Variants in GABRA2 observed in about 807,000 individuals in gnomAD.
GABRA2 encodes the protein gamma-aminobutyric acid type A receptor subunit alpha2.
Under a neutral mutation model 48.7 loss-of-function variants are expected in GABRA2, and 16 were observed. The observed-to-expected ratio is 0.33, with a 90% CI of 0.22 to 0.50. The LOEUF (loss-of-function observed/expected upper bound fraction) is 0.50. GABRA2 is among the 20% of genes least tolerant of loss of function. The pLI, the probability that GABRA2 is intolerant of heterozygous loss-of-function variation, is 0.98. For missense variants in GABRA2, 275 were observed against 535.6 expected, an observed-to-expected ratio of 0.51 and a Z score of 4.80; for synonymous variants, 185 against 184.5, an observed-to-expected ratio of 1.00 and a Z score of -0.02.
In GABRA2 at chr4:46,386,200, A is replaced by C. The variant is rs1717426597; in HGVS notation, c.72-11T>G. ...TTAGCCAGCACCAACCTAAACAGAT[A>C]ATTTTAAAAGCTGATATATATACAT... On this transcript the variant is annotated splice_polypyrimidine_tract_variant and intron_variant, in intron 2 of 9. Coordinates refer to ENST00000381620, the MANE Select transcript of GABRA2 (RefSeq NM_000807.4). 1.3e-6 allele frequency: 2 copies of C among 1,516,974 alleles called. No individual in the cohort carries two copies. The highest frequency in any genetic ancestry group is 1.8e-6 in the Non-Finnish European group (2 of 1,099,922). 94.0% of individuals were successfully genotyped at this position (1,516,974 alleles called of 1,614,324 possible).
chr4:46,246,987 A>G lies in GABRA2; in HGVS notation c.*3321T>C, dbSNP rs1478623882. On this transcript the variant is annotated 3_prime_UTR_variant, in exon 10 of 10. Coordinates refer to ENST00000381620, the MANE Select transcript of GABRA2 (RefSeq NM_000807.4). The stretch of plus-strand genomic sequence containing the variant: ...TGTGTCCCTCAACCAGGAATTCAAA[A>G]AGAGCCACATAAATGCAAATTATAC... Among the ~76,000 whole-genome samples the G allele has an allele frequency of 5.9e-5, 9 of 151,302 alleles. No individual in the cohort carries two copies. Among genetic ancestry groups the G allele is most frequent in the African/African-American group, 2.2e-4 (9 of 41,468 alleles).
intron 4 of GABRA2, among the ~76,000 whole-genome samples, chr4:46,319,082 T>A (rs1247806685): frequency 2.0e-5 from 3 of 151,754 alleles, no homozygotes; most frequent in Non-Finnish European, 3.0e-5. Context: ...ACTCCTTAAG[T>A]GTTATATCCA....
chr4:46,341,963 T>G (rs1733316159), intron 3 of GABRA2, among the ~76,000 whole-genome samples: 1 of 151,944 alleles, frequency 6.6e-6, no homozygotes, highest in Non-Finnish European at 1.5e-5. Flanking sequence ...CTAAGTCAAG[T>G]CAAATAAAGA....
intron 6 of GABRA2, among the ~76,000 whole-genome samples, chr4:46,309,125 A>G (rs530113691): frequency 1.3e-5 from 2 of 152,314 alleles, no homozygotes; most frequent in Non-Finnish European, 2.9e-5. Context: ...GTAGTTAAAT[A>G]AAGAGAAGAT....
intron 9 of GABRA2, among the ~76,000 whole-genome samples, chr4:46,260,554 A>G (rs1716754663): frequency 2.0e-5 from 3 of 151,902 alleles, no homozygotes; most frequent in Non-Finnish European, 4.4e-5. Context: ...TCATGGCACA[A>G]AATGTTTATC....
chr4:46,285,649 G>T lies in GABRA2; in HGVS notation c.856+17811C>A, dbSNP rs114656856. ...TGTCACATAGTTGCAAATTAATTTA[G>T]GTCTTTCTAAAATGTCACTTCTGGT... On this transcript the variant is annotated intron_variant, in intron 8 of 9. Coordinates refer to ENST00000381620, the MANE Select transcript of GABRA2 (RefSeq NM_000807.4). Among the ~76,000 whole-genome samples the T allele has an allele frequency of 7.7e-3, 1,176 of 151,978 alleles. 19 individuals are homozygous for T. Among genetic ancestry groups the T allele is most frequent in the African/African-American group, 0.027 (1,136 of 41,496 alleles).
At chr4:46,312,861 T>C (rs1727885154) in intron 4 of GABRA2, 145 bp from the exon 5 acceptor site, 1 of 564,746 alleles carries the variant, frequency 1.8e-6, no homozygotes, top group African/African-American at 2.0e-5. Flanking sequence ...GATTACTCCT[T>C]TGGCTTATCA....
At chr4:46,384,149 C>T (rs1195566290) in intron 3 of GABRA2, among the ~76,000 whole-genome samples, 2 of 152,132 alleles carry the variant, frequency 1.3e-5, no homozygotes, top group African/African-American at 4.8e-5. Context: ...CAGTCTAGAC[C>T]TGTCTGCCTC....
chr4:46,276,069 A>C (rs1459967385), intron 8 of GABRA2, among the ~76,000 whole-genome samples: 2 of 152,170 alleles, frequency 1.3e-5, no homozygotes, highest in Admixed American at 1.3e-4. Flanking sequence ...AAATGAAGAA[A>C]ATAAACATTA....
At chr4:46,297,476 C>CATGTATATATATAT in intron 8 of GABRA2, among the ~76,000 whole-genome samples, 1 of 87,916 alleles carries the variant, frequency 1.1e-5, no homozygotes, top group East Asian at 2.9e-4. Flanking sequence ...AATAAAATCC[C>CATGTATATATATAT]ATATATATAT....
intron 6 of GABRA2, among the ~76,000 whole-genome samples, chr4:46,309,106 G>A (rs1727189878): frequency 6.6e-6 from 1 of 152,102 alleles, no homozygotes; most frequent in South Asian, 2.1e-4. Flanking sequence ...GACAATAAAA[G>A]AAGCCTTTGT....
In GABRA2 at chr4:46,261,873, G is replaced by A. The variant is rs78301690; in HGVS notation, c.1059+53C>T. On this transcript the variant is annotated intron_variant, in intron 9 of 9. Transcript: ENST00000381620. The stretch of plus-strand genomic sequence containing the variant: ...TTTTAGAAACATATCTGTTACAAGC[G>A]GAATTCATTAGGGTATTTTCTTAAT... 141 of 1,379,750 alleles carry A rather than the reference G, an allele frequency of 1.0e-4. 1 individual carries two copies. In the East Asian group the frequency reaches 2.9e-3, roughly 29 times the overall value. The allele number at this position is 1,379,750 out of a possible 1,614,324, so 85.5% of individuals were successfully genotyped here.
intron 3 of GABRA2, among the ~76,000 whole-genome samples, chr4:46,357,909 C>G (rs1305621758): frequency 6.6e-6 from 1 of 152,106 alleles, no homozygotes; most frequent in Non-Finnish European, 1.5e-5. Context: ...CCACCCACCT[C>G]TGCCTCCTAA....
At chr4:46,365,404 CT>C (rs1713883509) in intron 3 of GABRA2, 1 of 152,096 alleles carries the variant, frequency 6.6e-6, no homozygotes, top group Non-Finnish European at 1.5e-5. Flanking sequence ...GACTATCAAA[CT>C]CCATGAACTC....
intron 3 of GABRA2, among the ~76,000 whole-genome samples, chr4:46,344,886 A>T (rs1457227548): frequency 6.6e-6 from 1 of 151,960 alleles, no homozygotes; most frequent in Non-Finnish European, 1.5e-5. Flanking sequence ...TAATGATTCC[A>T]GGTCAAAAGT....
intron 4 of GABRA2, among the ~76,000 whole-genome samples, chr4:46,321,056 A>T (rs1729362496): frequency 6.6e-6 from 1 of 151,976 alleles, no homozygotes; most frequent in Non-Finnish European, 1.5e-5. Context: ...TTAGAAAAGG[A>T]GATCCCATCA....
rs115799765 is a variant in GABRA2, at chr4:46,315,734, T to A, written c.256-3018A>T. ...TTTCATTTGTGTTCTATTTTCTTTTTGTTTTTCGGACATACACAAGAGTAT... is the reference window on the plus strand; with the variant it reads ...TTTCATTTGTGTTCTATTTTCTTTTAGTTTTTCGGACATACACAAGAGTAT... On this transcript the variant is annotated intron_variant, in intron 4 of 9. Coordinates refer to ENST00000381620, the MANE Select transcript of GABRA2 (RefSeq NM_000807.4). Among the ~76,000 whole-genome samples, 495 of 152,110 alleles carry A rather than the reference T, an allele frequency of 3.3e-3. 1 individual carries two copies. The highest frequency in any genetic ancestry group is 0.011 in the African/African-American group (445 of 41,528).
rs191370383 is a variant in GABRA2, at chr4:46,373,092, G to A, written c.187+12982C>T. On this transcript the variant is annotated intron_variant, in intron 3 of 9. Transcript: ENST00000381620. ...ATCTGAGGCTGAGATGACTGTATTA[G>A]AAGCTGTCACCAAAAATGACAAAGA... 4.1e-3 allele frequency among the ~76,000 whole-genome samples: 623 copies of A among 152,276 alleles called. 4 individuals carry two copies. The highest frequency in any genetic ancestry group is 6.1e-3 in the Non-Finnish European group (416 of 68,014).
At position 46,249,954 on chromosome 4, in the gene GABRA2, C is replaced by A. The variant is rs1042070708; in HGVS notation, c.*354G>T. The A allele has an allele frequency of 6.1e-5, 11 of 181,144 alleles. No individual in the cohort carries two copies. Among genetic ancestry groups the A allele is most frequent in the African/African-American group, 1.9e-4 (8 of 42,418 alleles). 11.2% of individuals were successfully genotyped at this position (181,144 alleles called of 1,614,324 possible). A position where few individuals can be genotyped will look rare whatever the true frequency, so the allele number is the denominator to read the frequency against. ...CATAATTAAGCAACAGTAGAAAATA[C>A]CCCTACTTAAGAGCTAAACCAAAAG... On this transcript the variant is annotated 3_prime_UTR_variant, in exon 10 of 10. Transcript: ENST00000381620.
Sources: gnomAD v4.1 joint callset for allele counts (sites outside exome capture counted in the v4.1 genomes callset) on GRCh38, gnomAD v4.1.1 for gene constraint, MANE v1.5 for transcripts, NCBI Gene and HGNC (gene_info 2026-07-23, HGNC 2026-07-21) for gene names.